The following SYTL5 variants were observed in gnomAD, a reference collection of about 807,000 sequenced individuals.
SYTL5 encodes synaptotagmin like 5, also known as synaptotagmin-like protein 5.
SYTL5 carries 34 observed loss-of-function variants against 55.9 expected under a neutral mutation model. The observed-to-expected ratio is 0.61, with a 90% CI of 0.46 to 0.81. The LOEUF is 0.81. SYTL5 is among the 30% of genes least tolerant of loss of function. The probability of loss-of-function intolerance (pLI) is 0.00; values close to 1 mark genes in which losing one functional copy is unlikely to be tolerated. For synonymous variants in SYTL5, 221 were observed against 188.7 expected (o/e 1.17, Z -1.40); for missense variants, 637 against 546.7 (o/e 1.17, Z -1.65).
chrX:38,120,219 C>G, intron 13 of SYTL5, 139 bp from the exon 14 acceptor site: 1 of 444,731 alleles, frequency 2.2e-6, no homozygotes, highest in Non-Finnish European at 3.9e-6. Flanking sequence ...TCTCTTAAAC[C>G]AGTGAGAGCG....
intron 1 of SYTL5, among the ~76,000 whole-genome samples, chrX:38,029,476 AT>A (rs1934886640): frequency 8.9e-6 from 1 of 112,325 alleles, no homozygotes. Flanking sequence ...TTAGTAAGCG[AT>A]TTTAATTATG....
At chrX:37,914,495 G>C in the SYTL5 span, among the ~76,000 whole-genome samples, 3 of 110,934 alleles carry the variant, frequency 2.7e-5, no homozygotes, top group Non-Finnish European at 5.7e-5. Context: ...CCAAAAAAAA[G>C]CAATACTACA....
At chrX:38,018,272 A>G (rs993784460) in intron 1 of SYTL5, among the ~76,000 whole-genome samples, 2 of 111,268 alleles carry the variant, frequency 1.8e-5, no homozygotes, top group African/African-American at 6.5e-5. Flanking sequence ...CACTCTGTCC[A>G]TTCTTTAAAT....
intron 1 of SYTL5, among the ~76,000 whole-genome samples, chrX:38,015,834 T>C (rs1049961548): frequency 9.0e-6 from 1 of 111,303 alleles, no homozygotes; most frequent in Non-Finnish European, 1.9e-5. Flanking sequence ...ACAGACCTTG[T>C]AGGAGTCTTG....
chrX:38,013,802 T>A (rs1569155508), intron 1 of SYTL5, among the ~76,000 whole-genome samples: 1 of 110,589 alleles, frequency 9.0e-6, no homozygotes, highest in South Asian at 3.9e-4. Context: ...TTCCTCTCCA[T>A]GATCTTTTCT....
At chrX:38,082,166 T>C (rs1419619614) in intron 6 of SYTL5, among the ~76,000 whole-genome samples, 1 of 112,146 alleles carries the variant, frequency 8.9e-6, no homozygotes, top group African/African-American at 3.2e-5. Context: ...ATTCCTGTGA[T>C]CAAATGATTG....
At chrX:37,896,785 T>C in the SYTL5 span, among the ~76,000 whole-genome samples, 1 of 112,124 alleles carries the variant, frequency 8.9e-6, no homozygotes, top group Non-Finnish European at 1.9e-5. Flanking sequence ...CAGTCCAGTG[T>C]AGAAGAATTG....
intron 6 of SYTL5, among the ~76,000 whole-genome samples, chrX:38,088,929 A>G (rs755674918): frequency 8.9e-6 from 1 of 112,463 alleles, no homozygotes; most frequent in Non-Finnish European, 1.9e-5. Flanking sequence ...AATACTAAAT[A>G]CAGTAGTCTG....
At chrX:37,968,678 G>A in the SYTL5 span, among the ~76,000 whole-genome samples, 242 of 111,513 alleles carry the variant, frequency 2.2e-3, no homozygotes, top group Non-Finnish European at 3.4e-3. Flanking sequence ...ATTTTATAGA[G>A]AGAGTTGGGC....
At chrX:38,078,221 T>C (rs1936437438) in intron 6 of SYTL5, among the ~76,000 whole-genome samples, 1 of 109,737 alleles carries the variant, frequency 9.1e-6, no homozygotes, top group Non-Finnish European at 1.9e-5. Flanking sequence ...AGAAAGGCAA[T>C]ATATACAAAA....
At chrX:38,080,364 G>T (rs752352117) in intron 6 of SYTL5, among the ~76,000 whole-genome samples, 1 of 112,103 alleles carries the variant, frequency 8.9e-6, no homozygotes, top group Non-Finnish European at 1.9e-5. Flanking sequence ...TACATGGAAT[G>T]TGAACAGACG....
chrX:38,059,712 T>C (rs1201718093), intron 3 of SYTL5, among the ~76,000 whole-genome samples: 1 of 110,823 alleles, frequency 9.0e-6, no homozygotes, highest in East Asian at 2.8e-4. Flanking sequence ...TGTTTGTTTG[T>C]TTGCTTGTTT....
intron 7 of SYTL5, among the ~76,000 whole-genome samples, chrX:38,090,505 G>A (rs1302741536): frequency 8.9e-6 from 1 of 111,958 alleles, no homozygotes; most frequent in Non-Finnish European, 1.9e-5. Context: ...GAATGAATTA[G>A]CATTTGTGAG....
chrX:38,035,226 TTAA>T (rs1365018098), intron 2 of SYTL5, among the ~76,000 whole-genome samples: 1 of 112,302 alleles, frequency 8.9e-6, no homozygotes, highest in African/African-American at 3.2e-5. Context: ...CAAAATGTAG[TTAA>T]TAATTTCAAA....
At chrX:37,946,288 A>T in the SYTL5 span, 1 of 121,163 alleles carries the variant, frequency 8.3e-6, no homozygotes, top group Non-Finnish European at 1.7e-5. Flanking sequence ...ACAAAATGGT[A>T]TATGCTTTTG....
In SYTL5 at chrX:38,050,864, A is replaced by G. The variant is rs768612112; in HGVS notation, c.120-3349A>G. ...ACATTGTCATTCTCTATGGAAAGAA[A>G]AGGGTGTGTGGTGAACCCTGCCCTT... On this transcript the variant is annotated intron_variant, in intron 2 of 16. Transcript: ENST00000297875. Among the ~76,000 whole-genome samples the G allele has an allele frequency of 6.2e-5, 7 of 112,134 alleles. No individual in the cohort carries two copies. In the South Asian group the frequency reaches 2.6e-3, roughly 42 times the overall value.
intron 13 of SYTL5, among the ~76,000 whole-genome samples, chrX:38,117,089 GCTAA>G (rs1422834651): frequency 8.9e-6 from 1 of 112,049 alleles, no homozygotes; most frequent in Non-Finnish European, 1.9e-5. Flanking sequence ...ATTGGATTCT[GCTAA>G]CTTTTTCTGA....
chrX:37,990,658 G>A, the SYTL5 span, among the ~76,000 whole-genome samples: 5 of 111,582 alleles, frequency 4.5e-5, no homozygotes, highest in South Asian at 3.7e-4. Context: ...GTCTGATAAG[G>A]GACCAGTGGA....
At chrX:38,048,252 C>G (rs1038755135) in intron 2 of SYTL5, among the ~76,000 whole-genome samples, 1 of 109,237 alleles carries the variant, frequency 9.2e-6, no homozygotes, top group Non-Finnish European at 1.9e-5. Flanking sequence ...CATCTCCATC[C>G]GAGGCCACCT....
Sources: allele counts gnomAD v4.1 joint callset (sites outside exome capture counted in the v4.1 genomes callset), GRCh38; gene constraint gnomAD v4.1.1; transcripts MANE v1.5; gene names NCBI Gene and HGNC (gene_info 2026-07-23, HGNC 2026-07-21).